The following RSRC1 variants were observed in gnomAD, a reference collection of about 807,000 sequenced individuals.
RSRC1 encodes serine/Arginine-related protein 53.
A neutral mutation model predicts 49.1 loss-of-function variants in RSRC1; 39 were observed. The ratio of observed to expected loss-of-function variants is 0.79; its 90% CI spans 0.61 to 1.04. The LOEUF (loss-of-function observed/expected upper bound fraction) is 1.04, where lower values mean the gene tolerates loss of function less well. RSRC1 is among the 50% of genes least tolerant of loss of function. The pLI is 0.00. For synonymous variants in RSRC1, 143 were observed against 130.8 expected (o/e 1.09, Z -0.63); for missense variants, 388 against 402.4 (o/e 0.96, Z 0.31).
intron 4 of RSRC1, among the ~76,000 whole-genome samples, chr3:158,242,545 T>C (rs1486330798): frequency 1.3e-5 from 2 of 152,204 alleles, no homozygotes; most frequent in Non-Finnish European, 2.9e-5. Context: ...TAATGATTTA[T>C]ATTCCTTTGG....
chr3:158,499,955 G>A (rs1739517769), intron 7 of RSRC1, among the ~76,000 whole-genome samples: 1 of 152,134 alleles, frequency 6.6e-6, no homozygotes, highest in Non-Finnish European at 1.5e-5. Context: ...CTCTCAGAGG[G>A]AATGCTTTCA....
intron 5 of RSRC1, among the ~76,000 whole-genome samples, chr3:158,327,639 GCTTTA>G (rs1160877395): frequency 2.6e-5 from 4 of 151,988 alleles, no homozygotes; most frequent in Admixed American, 2.6e-4. Context: ...GCTGAGGAGT[GCTTTA>G]CTTCCAACTA....
chr3:158,501,498 T>G (rs182580478), intron 7 of RSRC1, among the ~76,000 whole-genome samples: 9 of 152,286 alleles, frequency 5.9e-5, no homozygotes, highest in Non-Finnish European at 1.5e-5. Context: ...TCTATCTCAT[T>G]TCTTAGATCT....
intron 4 of RSRC1, among the ~76,000 whole-genome samples, chr3:158,255,007 A>G (rs1468828590): frequency 6.6e-6 from 1 of 152,002 alleles, no homozygotes; most frequent in East Asian, 1.9e-4. Flanking sequence ...ATTTTCTCCC[A>G]TTCTGTAGGT....
At chr3:158,388,617 T>TG (rs892202773) in intron 6 of RSRC1, among the ~76,000 whole-genome samples, 5 of 151,542 alleles carry the variant, frequency 3.3e-5, no homozygotes, top group African/African-American at 7.3e-5. Context: ...TTTTTGTTTT[T>TG]TTTTTTTTTT....
At chr3:158,267,572 T>G (rs1242864984) in intron 4 of RSRC1, among the ~76,000 whole-genome samples, 1 of 151,990 alleles carries the variant, frequency 6.6e-6, no homozygotes, top group Non-Finnish European at 1.5e-5. Flanking sequence ...ATTGAGTAAC[T>G]TATGGTGGTC....
chr3:158,392,043 G>A (rs1733336230), intron 6 of RSRC1, among the ~76,000 whole-genome samples: 2 of 152,054 alleles, frequency 1.3e-5, no homozygotes, highest in South Asian at 2.1e-4. Context: ...TACTAATTCT[G>A]TTAATGAAAG....
At chr3:158,311,469 C>T (rs1323348267) in intron 5 of RSRC1, among the ~76,000 whole-genome samples, 1 of 151,812 alleles carries the variant, frequency 6.6e-6, no homozygotes, top group Admixed American at 6.6e-5. Flanking sequence ...TTCCTTTCAT[C>T]TATTTCATTT....
intron 4 of RSRC1, among the ~76,000 whole-genome samples, chr3:158,244,411 G>A (rs1465091048): frequency 6.6e-6 from 1 of 152,160 alleles, no homozygotes; most frequent in Non-Finnish European, 1.5e-5. Flanking sequence ...CTGCATATGT[G>A]ATTAATTTCA....
intron 6 of RSRC1, among the ~76,000 whole-genome samples, chr3:158,359,901 GGGGACTGGCAGA>G (rs1228093607): frequency 1.3e-5 from 2 of 152,198 alleles, no homozygotes; most frequent in African/African-American, 4.8e-5. Context: ...ACAGCTCAGA[GGGGACTGGCAGA>G]GGGCAGCTCT....
At chr3:158,449,866 C>A (rs904354632) in intron 6 of RSRC1, among the ~76,000 whole-genome samples, 1 of 151,818 alleles carries the variant, frequency 6.6e-6, no homozygotes, top group African/African-American at 2.4e-5. Flanking sequence ...GTTAAGTGTC[C>A]CTTGGATTAT....
At chr3:158,538,927 G>A (rs1712880267) in intron 8 of RSRC1, among the ~76,000 whole-genome samples, 1 of 151,934 alleles carries the variant, frequency 6.6e-6, no homozygotes, top group African/African-American at 2.4e-5. Context: ...TTTAGAAAGT[G>A]ATATCCCTTC....
intron 3 of RSRC1, among the ~76,000 whole-genome samples, chr3:158,130,671 A>G (rs895123814): frequency 2.0e-5 from 3 of 152,196 alleles, no homozygotes; most frequent in African/African-American, 7.2e-5. Flanking sequence ...AACCATCAGA[A>G]AGCAAAGGTC....
At chr3:158,162,878 C>G (rs777041992) in intron 3 of RSRC1, among the ~76,000 whole-genome samples, 65 of 152,124 alleles carry the variant, frequency 4.3e-4, no homozygotes, top group Non-Finnish European at 8.4e-4. Context: ...AATTTGAACT[C>G]TTCAGGAGAA....
chr3:158,122,545 AT>A (rs545780895), intron 2 of RSRC1, among the ~76,000 whole-genome samples: 15 of 150,692 alleles, frequency 1.0e-4, no homozygotes, highest in East Asian at 3.9e-4. Context: ...ATTTAATTTA[AT>A]TTTTTTTCTA....
chr3:158,177,074 A>G (rs893795081), intron 3 of RSRC1, among the ~76,000 whole-genome samples: 5 of 152,250 alleles, frequency 3.3e-5, no homozygotes, highest in African/African-American at 9.6e-5. Flanking sequence ...GAGAAATACA[A>G]AGCAAAACCA....
intron 3 of RSRC1, among the ~76,000 whole-genome samples, chr3:158,127,756 G>GTTTTTTTTTTTTTT (rs34766107): frequency 1.2e-5 from 1 of 81,242 alleles, no homozygotes; most frequent in African/African-American, 5.1e-5. Flanking sequence ...CTGCTTTGTG[G>GTTTTTTTTTTTTTT]TTTTTTTTTT....
chr3:158,418,138 A>G (rs955368920), intron 6 of RSRC1, among the ~76,000 whole-genome samples: 5 of 152,176 alleles, frequency 3.3e-5, no homozygotes, highest in African/African-American at 1.2e-4. Context: ...CATGATCATT[A>G]TCATCACTAT....
At chr3:158,517,819 G>A (rs1440273575) in intron 7 of RSRC1, among the ~76,000 whole-genome samples, 1 of 126,858 alleles carries the variant, frequency 7.9e-6, no homozygotes, top group East Asian at 2.3e-4. Context: ...GACCAGGTTG[G>A]TCTTGAAATC....
Sources: gnomAD v4.1 joint callset for allele counts (sites outside exome capture counted in the v4.1 genomes callset) on GRCh38, gnomAD v4.1.1 for gene constraint, MANE v1.5 for transcripts, NCBI Gene and HGNC (gene_info 2026-07-23, HGNC 2026-07-21) for gene names.